The following PGBD5 variants were observed in gnomAD, a reference collection of about 807,000 sequenced individuals.
The protein encoded by PGBD5 is piggyBac transposable element derived 5.
In PGBD5, 14 loss-of-function variants were observed where a neutral mutation model predicts 47.9. That is an observed-to-expected ratio of 0.29 (90% CI 0.19 to 0.46). The LOEUF is 0.46. PGBD5 is among the 20% of genes least tolerant of loss of function. PGBD5 has a pLI of 1.00. For missense variants in PGBD5, 635 were observed against 716.0 expected, an observed-to-expected ratio of 0.89 and a Z score of 1.29; for synonymous variants, 316 against 306.3, an observed-to-expected ratio of 1.03 and a Z score of -0.33.
intron 1 of PGBD5, among the ~76,000 whole-genome samples, chr1:230,373,037 C>A (rs1220157266): frequency 6.6e-6 from 1 of 152,196 alleles, no homozygotes; most frequent in Non-Finnish European, 1.5e-5. Context: ...TTAATAAAGG[C>A]TTCATGAATA....
At chr1:230,399,725 G>T (rs1361935681) in intron 1 of PGBD5, among the ~76,000 whole-genome samples, 1 of 152,176 alleles carries the variant, frequency 6.6e-6, no homozygotes, top group Non-Finnish European at 1.5e-5. Context: ...GGATGCTGCT[G>T]AGGGCACATG....
chr1:230,363,735 A>ATT (rs1667785466), intron 1 of PGBD5, among the ~76,000 whole-genome samples: 1 of 152,234 alleles, frequency 6.6e-6, no homozygotes, highest in Admixed American at 6.5e-5. Context: ...GATAGAATCA[A>ATT]TTAATATTTT....
At chr1:230,414,702 G>A (rs1274818206) in intron 1 of PGBD5, among the ~76,000 whole-genome samples, 2 of 152,162 alleles carry the variant, frequency 1.3e-5, no homozygotes, top group South Asian at 4.1e-4. Context: ...AAACACACAG[G>A]CAATTCAGCT....
chr1:230,416,699 G>T (rs1277414400), intron 1 of PGBD5, among the ~76,000 whole-genome samples: 1 of 152,230 alleles, frequency 6.6e-6, no homozygotes, highest in Non-Finnish European at 1.5e-5. Context: ...GTGCTACAAG[G>T]TGACAATAGA....
chr1:230,325,223 G>A (rs913345160), intron 6 of PGBD5, 87 bp downstream of exon 6: 7 of 1,006,424 alleles, frequency 7.0e-6, no homozygotes, highest in Middle Eastern at 2.9e-4. Flanking sequence ...TTACACTGGG[G>A]AAACTAGTGA....
At chr1:230,383,625 C>A (rs530369072) in intron 1 of PGBD5, among the ~76,000 whole-genome samples, 6 of 152,262 alleles carry the variant, frequency 3.9e-5, no homozygotes, top group African/African-American at 1.4e-4. Context: ...CCCACCCCAC[C>A]GCATCCCCTT....
chr1:230,325,165 C>T (rs925827789), intron 6 of PGBD5, 145 bp downstream of exon 6: 2 of 656,816 alleles, frequency 3.0e-6, no homozygotes, highest in East Asian at 5.4e-5. Flanking sequence ...CCCAGAAGCC[C>T]AGGCTGAGGG....
intron 1 of PGBD5, among the ~76,000 whole-genome samples, chr1:230,423,865 C>T (rs1489836639): frequency 6.6e-6 from 1 of 152,208 alleles, no homozygotes; most frequent in Non-Finnish European, 1.5e-5. Flanking sequence ...TTGAACCTAA[C>T]GCTAAATGAC....
chr1:230,360,937 A>G (rs747548814), intron 1 of PGBD5, among the ~76,000 whole-genome samples: 19 of 152,156 alleles, frequency 1.2e-4, no homozygotes, highest in Non-Finnish European at 2.1e-4. Context: ...GCATCATCCC[A>G]TTCGGCAATT....
chr1:230,422,643 G>C (rs1257563401), intron 1 of PGBD5, among the ~76,000 whole-genome samples: 2 of 152,168 alleles, frequency 1.3e-5, no homozygotes, highest in Non-Finnish European at 2.9e-5. Flanking sequence ...GGGGAGGTGA[G>C]AGAGGAGACA....
chr1:230,334,871 C>T (rs1489295598), intron 4 of PGBD5, among the ~76,000 whole-genome samples: 1 of 152,202 alleles, frequency 6.6e-6, no homozygotes, highest in African/African-American at 2.4e-5. Flanking sequence ...ATTCTTTTCC[C>T]ATCCTCCTAA....
At position 230,362,326 on chromosome 1, in the gene PGBD5, T is replaced by A. The variant is rs531278155; in HGVS notation, c.332-5005A>T. 4 of 1,367,756 alleles carry A rather than the reference T, an allele frequency of 2.9e-6. No homozygotes were observed. In the African/African-American group the frequency reaches 5.9e-5, roughly 20 times the overall value. 84.7% of individuals were successfully genotyped at this position (1,367,756 alleles called of 1,614,324 possible). ...GGGTGTGCAGGGCACGAGGAATGGA[T>A]TATAGGGCGGCCGAGGCGTCGACTC... On this transcript the variant is annotated intron_variant, in intron 1 of 6. Transcript: ENST00000391860.
intron 1 of PGBD5, among the ~76,000 whole-genome samples, chr1:230,380,302 C>A (rs1169844549): frequency 6.6e-6 from 1 of 152,250 alleles, no homozygotes; most frequent in Non-Finnish European, 1.5e-5. Context: ...CTTAATTACA[C>A]AGAGAAATTA....
At chr1:230,407,310 T>C (rs1047253177) in intron 1 of PGBD5, among the ~76,000 whole-genome samples, 13 of 152,220 alleles carry the variant, frequency 8.5e-5, no homozygotes, top group African/African-American at 3.1e-4. Flanking sequence ...GTTAAAATGA[T>C]TATCATGAAC....
intron 1 of PGBD5, among the ~76,000 whole-genome samples, chr1:230,376,468 A>G (rs1311108786): frequency 1.3e-5 from 2 of 152,124 alleles, no homozygotes; most frequent in African/African-American, 4.8e-5. Flanking sequence ...TCTGGCACCA[A>G]CAGCCTGGGT....
chr1:230,381,297 C>A (rs1656482217), intron 1 of PGBD5, among the ~76,000 whole-genome samples: 1 of 152,220 alleles, frequency 6.6e-6, no homozygotes, highest in African/African-American at 2.4e-5. Flanking sequence ...ATAATCCTGG[C>A]ACCAACAGAC....
Position 230,332,960 on chromosome 1 carries a change from G to A in PGBD5, c.1157C>T (p.Thr386Ile), listed in dbSNP as rs1667245225. Residue 386 changes from threonine (T) to isoleucine (I), a missense_variant, in exon 5 of 7, where the codon ACA becomes ATA. Coordinates refer to ENST00000391860, the MANE Select transcript of PGBD5 (RefSeq NM_001258311.2). ...TTGGTACTGGCCCCGGGCCGGGGGTGTGGCTGGGTTGGTCAGCATGGACAG... is the reference window on the plus strand; with the variant it reads ...TTGGTACTGGCCCCGGGCCGGGGGTATGGCTGGGTTGGTCAGCATGGACAG... ...LPLSMLTNPA[T>I]PPARGQYQIK... is the part of the protein sequence containing the mutation. The A allele has an allele frequency of 2.5e-6, 4 of 1,614,138 alleles. No individual in the cohort carries two copies. Among genetic ancestry groups the A allele is most frequent in the East Asian group, 2.2e-5 (1 of 44,870 alleles).
rs1188405763 is a variant in PGBD5 at position 230,315,771 on chromosome 1, G to T, written c.*7654C>A. The stretch of plus-strand genomic sequence containing the variant: ...TATATATACACATACATATATTATA[G>T]ATGTATGCATATATGTATATATGTA... On this transcript the variant is annotated 3_prime_UTR_variant, in exon 7 of 7. Transcript: ENST00000391860. 17 of 139,120 alleles carry T rather than the reference G, an allele frequency of 1.2e-4. No individual in the cohort carries two copies. Among genetic ancestry groups the T allele is most frequent in the African/African-American group, 2.6e-4 (10 of 39,164 alleles). 8.6% of individuals were successfully genotyped at this position (139,120 alleles called of 1,614,324 possible). A position where few individuals can be genotyped will look rare whatever the true frequency, so the allele number is the denominator to read the frequency against.
intron 1 of PGBD5, among the ~76,000 whole-genome samples, chr1:230,360,897 C>G (rs923250250): frequency 6.6e-6 from 1 of 152,192 alleles, no homozygotes; most frequent in African/African-American, 2.4e-5. Context: ...CCAGGTATTA[C>G]CCATGTAATC....
Sources: allele counts gnomAD v4.1 joint callset (sites outside exome capture counted in the v4.1 genomes callset), GRCh38; gene constraint gnomAD v4.1.1; transcripts MANE v1.5; gene names NCBI Gene and HGNC (gene_info 2026-07-23, HGNC 2026-07-21).